RAB10: variants seen among roughly 807,000 people sequenced by gnomAD.
RAB10 encodes RAB10, member RAS oncogene family, also known as ras-related protein Rab-10.
In RAB10, 5 loss-of-function variants were observed where a neutral mutation model predicts 25.7. The observed-to-expected ratio is 0.19, with a 90% CI of 0.10 to 0.41. RAB10 has a LOEUF of 0.41. Ranked by LOEUF, RAB10 falls within the 10% of genes least tolerant of loss-of-function variation. RAB10 has a pLI of 1.00. For missense variants in RAB10, 103 were observed against 245.8 expected, an observed-to-expected ratio of 0.42 and a Z score of 3.89; for synonymous variants, 89 against 86.4, an observed-to-expected ratio of 1.03 and a Z score of -0.16.
At chr2:26,066,589 G>C (rs1308293349) in intron 1 of RAB10, among the ~76,000 whole-genome samples, 2 of 152,088 alleles carry the variant, frequency 1.3e-5, no homozygotes, top group African/African-American at 4.8e-5. Context: ...GAGAGAGAAT[G>C]AGAGGAGCGA....
intron 1 of RAB10, among the ~76,000 whole-genome samples, chr2:26,097,424 C>T (rs1044889761): frequency 2.0e-5 from 3 of 152,060 alleles, no homozygotes; most frequent in East Asian, 1.9e-4. Flanking sequence ...CAAGCATGCC[C>T]TACCACACCT....
At chr2:26,106,994 C>T (rs1181523196) in intron 2 of RAB10, among the ~76,000 whole-genome samples, 4 of 151,930 alleles carry the variant, frequency 2.6e-5, no homozygotes, top group Non-Finnish European at 5.9e-5. Context: ...GCCTGTAACC[C>T]CAGCACTTTG....
chr2:26,038,675 C>G (rs1227898162), intron 1 of RAB10, among the ~76,000 whole-genome samples: 3 of 151,776 alleles, frequency 2.0e-5, no homozygotes, highest in Non-Finnish European at 4.4e-5. Context: ...ATAATCCCAG[C>G]GCTTTGGGAG....
At chr2:26,117,876 A>G (rs181611555) in intron 3 of RAB10, among the ~76,000 whole-genome samples, 2 of 152,322 alleles carry the variant, frequency 1.3e-5, no homozygotes, top group Non-Finnish European at 2.9e-5. Context: ...CTATAGAGAT[A>G]TTTAGAGAAA....
At chr2:26,100,233 GA>G (rs2149280686) in intron 2 of RAB10, among the ~76,000 whole-genome samples, 1 of 152,306 alleles carries the variant, frequency 6.6e-6, no homozygotes, top group African/African-American at 2.4e-5. Flanking sequence ...TTAAATATCT[GA>G]AGGGACAATT....
At chr2:26,085,531 A>T (rs1266226267) in intron 1 of RAB10, among the ~76,000 whole-genome samples, 3 of 151,562 alleles carry the variant, frequency 2.0e-5, no homozygotes, top group Non-Finnish European at 4.4e-5. Context: ...CAGCACTTTC[A>T]GGTCACCAGC....
At chr2:26,084,539 GT>G (rs952758522) in intron 1 of RAB10, among the ~76,000 whole-genome samples, 1 of 152,164 alleles carries the variant, frequency 6.6e-6, no homozygotes, top group Non-Finnish European at 1.5e-5. Context: ...CATGGTACGT[GT>G]TTTTGGTACA....
At chr2:26,069,931 T>C (rs900486736) in intron 1 of RAB10, among the ~76,000 whole-genome samples, 3 of 152,134 alleles carry the variant, frequency 2.0e-5, no homozygotes, top group Non-Finnish European at 4.4e-5. Context: ...GCTCTCGAGC[T>C]CCTGACCTCA....
chr2:26,127,806 C>T lies in RAB10; in HGVS notation c.418-44C>T, dbSNP rs372986064. 280 of 1,436,752 alleles carry T rather than the reference C, an allele frequency of 1.9e-4. No homozygotes were observed. The African/African-American group carries it at 3.2e-3, about 16-fold the overall frequency. The allele number at this position is 1,436,752 out of a possible 1,614,324, so 89.0% of individuals were successfully genotyped here. On this transcript the variant is annotated intron_variant, in intron 4 of 5. Coordinates refer to ENST00000264710, the MANE Select transcript of RAB10 (RefSeq NM_016131.5). The stretch of plus-strand genomic sequence containing the variant: ...AGCTGTTAAAGTCAGCAGTTGGCAA[C>T]CCATGCTTGATAATTTTATGATGAT...
chr2:26,085,817 A>C (rs984349525), intron 1 of RAB10, among the ~76,000 whole-genome samples: 3 of 148,112 alleles, frequency 2.0e-5, no homozygotes, highest in African/African-American at 7.5e-5. Context: ...ACCAACATGG[A>C]GAAACCCTGT....
Position 26,127,962 on chromosome 2 carries a change from GT to G in RAB10, c.519+16del, listed in dbSNP as rs1328176713. ...GATATCCTTCGAAAGGTAAGTTCCT[GT>G]TTTTATATCCTGCCAGGTACCTGAG... On this transcript the variant is annotated intron_variant, in intron 5 of 5. Coordinates refer to ENST00000264710, the MANE Select transcript of RAB10 (RefSeq NM_016131.5). The G allele has an allele frequency of 1.9e-6, 3 of 1,554,238 alleles. No homozygotes were observed. Among genetic ancestry groups the G allele is most frequent in the Non-Finnish European group, 2.7e-6 (3 of 1,125,626 alleles).
At chr2:26,037,851 C>A (rs1013986689) in intron 1 of RAB10, among the ~76,000 whole-genome samples, 1 of 151,820 alleles carries the variant, frequency 6.6e-6, no homozygotes, top group African/African-American at 2.4e-5. Context: ...TCCTGCACAC[C>A]GTGGTACCCA....
At chr2:26,090,939 C>A (rs1036208411) in intron 1 of RAB10, among the ~76,000 whole-genome samples, 1 of 63,436 alleles carries the variant, frequency 1.6e-5, no homozygotes, top group South Asian at 5.8e-4. Flanking sequence ...GTCTCCCCCC[C>A]CAAAAAAAAA....
At chr2:26,098,557 A>G in intron 1 of RAB10, 105 bp from the exon 2 acceptor site, 1 of 819,752 alleles carries the variant, frequency 1.2e-6, no homozygotes, top group Non-Finnish European at 2.0e-6. Context: ...GGAATCAAAC[A>G]AACACAGACA....
At chr2:26,070,367 T>C (rs941677715) in intron 1 of RAB10, among the ~76,000 whole-genome samples, 1 of 152,234 alleles carries the variant, frequency 6.6e-6, no homozygotes, top group African/African-American at 2.4e-5. Context: ...TTTATCTGTT[T>C]TTCACCTGTT....
intron 1 of RAB10, among the ~76,000 whole-genome samples, chr2:26,052,573 A>G (rs542977658): frequency 1.7e-4 from 25 of 150,190 alleles, no homozygotes; most frequent in African/African-American, 6.1e-4. Context: ...GACTCAGATC[A>G]CCTGCCTCGA....
chr2:26,134,905 T>C (rs1429579926), intron 5 of RAB10, 33 bp from the exon 6 acceptor site: 1 of 1,542,198 alleles, frequency 6.5e-7, no homozygotes, highest in South Asian at 1.1e-5. Context: ...CAGTGTTTTT[T>C]CATGAGTTAT....
At chr2:26,043,290 C>T (rs1256143977) in intron 1 of RAB10, among the ~76,000 whole-genome samples, 8 of 152,082 alleles carry the variant, frequency 5.3e-5, no homozygotes, top group Admixed American at 3.9e-4. Flanking sequence ...TACATGTTGG[C>T]GCATGCCTGT....
At chr2:26,116,075 G>A (rs1252030616) in intron 3 of RAB10, among the ~76,000 whole-genome samples, 1 of 152,010 alleles carries the variant, frequency 6.6e-6, no homozygotes, top group African/African-American at 2.4e-5. Context: ...TCTTGGTCAG[G>A]CTGGTCTGGT....
Sources: allele counts gnomAD v4.1 joint callset (sites outside exome capture counted in the v4.1 genomes callset), GRCh38; gene constraint gnomAD v4.1.1; transcripts MANE v1.5; gene names NCBI Gene and HGNC (gene_info 2026-07-23, HGNC 2026-07-21).